Variants in CHCHD3 observed in about 807,000 individuals in gnomAD.
CHCHD3 encodes the protein coiled-coil-helix-coiled-coil-helix domain containing 3, also known as MICOS complex subunit MIC19.
CHCHD3 carries 20 observed loss-of-function variants against 38.2 expected under a neutral mutation model. The ratio of observed to expected loss-of-function variants is 0.52; its 90% CI spans 0.37 to 0.76. The LOEUF is 0.76. CHCHD3 is among the 30% of genes least tolerant of loss of function. The probability of loss-of-function intolerance (pLI) is 0.00; values close to 1 mark genes in which losing one functional copy is unlikely to be tolerated. For synonymous variants in CHCHD3, 82 were observed against 100.0 expected (o/e 0.82, Z 1.07); for missense variants, 245 against 279.2 (o/e 0.88, Z 0.87).
At chr7:132,930,161 T>A (rs1036933840) in intron 4 of CHCHD3, among the ~76,000 whole-genome samples, 3 of 144,752 alleles carry the variant, frequency 2.1e-5, no homozygotes, top group African/African-American at 7.5e-5. Flanking sequence ...CTCCCACTCC[T>A]AATTTTTTTT....
At chr7:132,932,445 A>G (rs1249476103) in intron 4 of CHCHD3, among the ~76,000 whole-genome samples, 2 of 152,220 alleles carry the variant, frequency 1.3e-5, no homozygotes, top group African/African-American at 4.8e-5. Context: ...ACATGCAGAC[A>G]CTAAGACAAA....
At chr7:133,025,316 T>C (rs2117443699) in intron 2 of CHCHD3, among the ~76,000 whole-genome samples, 1 of 152,296 alleles carries the variant, frequency 6.6e-6, no homozygotes, top group Admixed American at 6.5e-5. Flanking sequence ...TAAAGTTTCT[T>C]ACAGCTATGA....
Position 133,024,621 on chromosome 7 carries a change from T to C in CHCHD3, c.176A>G (p.Asp59Gly). 5.0e-6 allele frequency: 8 copies of C among 1,610,818 alleles called. No homozygotes were observed. Among genetic ancestry groups the C allele is most frequent in the Non-Finnish European group, 6.8e-6 (8 of 1,177,066 alleles). The change falls in exon 3 of 8, where the codon GAT becomes GGT. Residue 59 changes from aspartate to glycine, a missense_variant. Physicochemically the swap from Asp to Gly is moderately conservative, Grantham distance 94. Coordinates refer to ENST00000262570, the MANE Select transcript of CHCHD3 (RefSeq NM_017812.4). Reference sequence around the variant, plus strand: ...AGCTACTCTTCTTTTCAATTCTTCATCAGAAACTAGAATCGATAAAGAGCA... The same window carrying C: ...AGCTACTCTTCTTTTCAATTCTTCACCAGAAACTAGAATCGATAAAGAGCA... ...YSGAYGASVS[D>G]EELKRRVAEE...
intron 4 of CHCHD3, among the ~76,000 whole-genome samples, chr7:132,902,066 G>A (rs1486668249): frequency 3.9e-5 from 6 of 152,124 alleles, no homozygotes; most frequent in African/African-American, 2.4e-5. Flanking sequence ...AGTTTTCCCA[G>A]CACCATTTGT....
chr7:132,997,659 TA>T (rs71178073), intron 3 of CHCHD3, among the ~76,000 whole-genome samples: 1,658 of 81,318 alleles, frequency 0.02, 14 homozygotes, highest in African/African-American at 0.024. Flanking sequence ...AACAGGGTTG[TA>T]AAAAAAAAAA....
chr7:132,826,353 T>G (rs1807509497), intron 6 of CHCHD3, among the ~76,000 whole-genome samples: 1 of 152,094 alleles, frequency 6.6e-6, no homozygotes, highest in South Asian at 2.1e-4. Flanking sequence ...AAAAAGGAGG[T>G]TTTAGTCCTT....
At chr7:133,074,334 G>A (rs1814914312) in intron 1 of CHCHD3, among the ~76,000 whole-genome samples, 1 of 152,172 alleles carries the variant, frequency 6.6e-6, no homozygotes, top group African/African-American at 2.4e-5. Flanking sequence ...ATCAAATGCT[G>A]TGTGTGCTCT....
chr7:132,836,820 C>T (rs745964499), intron 6 of CHCHD3, among the ~76,000 whole-genome samples: 4 of 152,116 alleles, frequency 2.6e-5, no homozygotes, highest in Non-Finnish European at 5.9e-5. Context: ...CCAACTAAAC[C>T]TCACATCCAC....
chr7:132,996,027 C>CA (rs1336473916), intron 3 of CHCHD3, among the ~76,000 whole-genome samples: 1 of 152,120 alleles, frequency 6.6e-6, no homozygotes, highest in Non-Finnish European at 1.5e-5. Context: ...ATAGATTACT[C>CA]AAAATCACAT....
chr7:132,896,077 A>G (rs1286455594), intron 4 of CHCHD3, among the ~76,000 whole-genome samples: 1 of 152,016 alleles, frequency 6.6e-6, no homozygotes, highest in African/African-American at 2.4e-5. Context: ...TGCTTGTGTT[A>G]TCTATCATCT....
chr7:132,795,975 G>A (rs952031713), intron 7 of CHCHD3, among the ~76,000 whole-genome samples: 4 of 151,956 alleles, frequency 2.6e-5, no homozygotes, highest in African/African-American at 9.7e-5. Context: ...CCAACTAAGT[G>A]AACTCTATCA....
intron 3 of CHCHD3, among the ~76,000 whole-genome samples, chr7:133,016,545 C>T (rs1182110771): frequency 6.6e-6 from 1 of 152,162 alleles, no homozygotes; most frequent in Non-Finnish European, 1.5e-5. Flanking sequence ...TAACAGTTTG[C>T]TCCAACCAAG....
At chr7:133,024,668 T>C in intron 2 of CHCHD3, 41 bp from the exon 3 acceptor site, 1 of 1,404,324 alleles carries the variant, frequency 7.1e-7, no homozygotes, top group South Asian at 1.2e-5. Flanking sequence ...AATAGGTGAC[T>C]TCTTAAAAAT....
In CHCHD3 at chr7:133,073,271, G is replaced by A. The variant is rs186943997; in HGVS notation, c.82-3042C>T. 2.6e-3 allele frequency among the ~76,000 whole-genome samples: 400 copies of A among 151,924 alleles called. 1 individual carries two copies. The highest frequency in any genetic ancestry group is 8.6e-3 in the African/African-American group (355 of 41,416). On this transcript the variant is annotated intron_variant, in intron 1 of 7. Coordinates refer to ENST00000262570, the MANE Select transcript of CHCHD3 (RefSeq NM_017812.4). ...TCTCTTTTGCAGCTTCCCCTCTCCTGCCTGCACTTCAATGCTGAAGGGCCC... is the reference window on the plus strand; with the variant it reads ...TCTCTTTTGCAGCTTCCCCTCTCCTACCTGCACTTCAATGCTGAAGGGCCC...
At chr7:133,043,392 A>G (rs894191960) in intron 2 of CHCHD3, among the ~76,000 whole-genome samples, 4 of 152,194 alleles carry the variant, frequency 2.6e-5, no homozygotes, top group Non-Finnish European at 4.4e-5. Context: ...CTGTAATCCC[A>G]GCACTTTGGG....
At chr7:132,943,071 T>C (rs995536733) in intron 4 of CHCHD3, among the ~76,000 whole-genome samples, 1 of 152,170 alleles carries the variant, frequency 6.6e-6, no homozygotes, top group African/African-American at 2.4e-5. Context: ...AAGCATACTC[T>C]AAGAAATAGA....
intron 6 of CHCHD3, among the ~76,000 whole-genome samples, chr7:132,801,183 T>C (rs925827179): frequency 3.3e-5 from 5 of 152,206 alleles, no homozygotes; most frequent in African/African-American, 9.6e-5. Flanking sequence ...AAATGCAATA[T>C]GAAGGAAGAA....
At chr7:132,863,361 T>C (rs1325560801) in intron 5 of CHCHD3, among the ~76,000 whole-genome samples, 2 of 152,196 alleles carry the variant, frequency 1.3e-5, no homozygotes, top group African/African-American at 2.4e-5. Flanking sequence ...AAAATGTTTT[T>C]TGTGAGAGGT....
intron 4 of CHCHD3, among the ~76,000 whole-genome samples, chr7:132,954,235 G>A (rs867428450): frequency 3.3e-5 from 5 of 152,138 alleles, no homozygotes; most frequent in Admixed American, 6.5e-5. Context: ...CAAGGATTCT[G>A]CTCCATCTTG....
Sources: allele counts gnomAD v4.1 joint callset (sites outside exome capture counted in the v4.1 genomes callset), GRCh38; gene constraint gnomAD v4.1.1; transcripts MANE v1.5; gene names NCBI Gene and HGNC (gene_info 2026-07-23, HGNC 2026-07-21).